The following ALG14 variants were observed in gnomAD, a reference collection of about 807,000 sequenced individuals.
The protein encoded by ALG14 is UDP-N-acetylglucosamine transferase subunit ALG14.
A neutral mutation model predicts 22.8 loss-of-function variants in ALG14; 17 were observed. The observed-to-expected ratio is 0.75, with a 90% CI of 0.51 to 1.12. ALG14 has a LOEUF of 1.12. Among genes scored for constraint, ALG14 ranks in the 50% most tolerant of loss-of-function variants. ALG14 has a pLI of 0.00. For missense variants in ALG14, 288 were observed against 271.8 expected (o/e 1.06, Z -0.42); for synonymous variants, 89 against 103.7 (o/e 0.86, Z 0.86).
In ALG14 at chr1:95,072,932, G is replaced by A. The variant is rs780080991; in HGVS notation, c.-34C>T. On this transcript the variant is annotated 5_prime_UTR_variant, in exon 1 of 4. Transcript: ENST00000370205. Reference sequence around the variant, plus strand: ...ACGGCGCATGCGTCCAACTTCCGGGGACCAGCCGCTGTCAAAGTTCACAAC... The same window carrying A: ...ACGGCGCATGCGTCCAACTTCCGGGAACCAGCCGCTGTCAAAGTTCACAAC... 88 of 1,611,138 alleles carry A rather than the reference G, an allele frequency of 5.5e-5. 1 individual carries two copies. The Admixed American group carries it at 1.4e-3, about 25-fold the overall frequency.
chr1:94,995,222 TGA>T (rs1269084563), intron 3 of ALG14, among the ~76,000 whole-genome samples: 3 of 152,222 alleles, frequency 2.0e-5, no homozygotes, highest in African/African-American at 7.2e-5. Flanking sequence ...TCATTAATTC[TGA>T]GTCAAAGGAT....
intron 1 of ALG14, among the ~76,000 whole-genome samples, chr1:95,066,159 A>G (rs1013918202): frequency 6.6e-6 from 1 of 152,166 alleles, no homozygotes; most frequent in Non-Finnish European, 1.5e-5. Flanking sequence ...AAGAGTATAT[A>G]GTGATACAAG....
chr1:95,036,619 G>T (rs1019545351), intron 2 of ALG14, among the ~76,000 whole-genome samples: 5 of 151,830 alleles, frequency 3.3e-5, no homozygotes, highest in African/African-American at 1.2e-4. Flanking sequence ...TAGAGACGGG[G>T]TTTCACCATG....
At chr1:95,054,270 A>T (rs980688953) in intron 2 of ALG14, among the ~76,000 whole-genome samples, 2 of 152,112 alleles carry the variant, frequency 1.3e-5, no homozygotes, top group Admixed American at 6.5e-5. Flanking sequence ...AGTTCTCATG[A>T]ATGGTTGGTC....
rs149744342 is a variant in ALG14 at position 95,060,007 on chromosome 1, T to C, written c.288+4859A>G. 2.1e-4 allele frequency among the ~76,000 whole-genome samples: 30 copies of C among 145,176 alleles called. 2 individuals carry two copies. In the East Asian group the frequency reaches 3.8e-3, roughly 18 times the overall value. The stretch of plus-strand genomic sequence containing the variant: ...TGGAAGGTACAAAAGATGGCTGAGC[T>C]GAAGCGTAGAAAAAGATCAGTAGGG... On this transcript the variant is annotated intron_variant, in intron 2 of 3. Coordinates refer to ENST00000370205, the MANE Select transcript of ALG14 (RefSeq NM_144988.4).
intron 2 of ALG14, among the ~76,000 whole-genome samples, chr1:95,042,876 G>A (rs1674427071): frequency 6.6e-6 from 1 of 152,070 alleles, no homozygotes; most frequent in Non-Finnish European, 1.5e-5. Context: ...CCATTTCCTT[G>A]TTCCTTCTGA....
intron 3 of ALG14, among the ~76,000 whole-genome samples, chr1:95,006,770 A>C (rs1673231358): frequency 6.6e-6 from 1 of 152,202 alleles, no homozygotes; most frequent in South Asian, 2.1e-4. Flanking sequence ...ATGAATCCCT[A>C]ACCTCTGTGG....
Position 95,043,630 on chromosome 1 carries a change from A to G in ALG14, c.289-16370T>C, listed in dbSNP as rs192273202. The stretch of plus-strand genomic sequence containing the variant: ...TGGCAGGATGAGGGAGTGACATTGC[A>G]GAGGAAAGAAAATATAAGTCCTTCA... On this transcript the variant is annotated intron_variant, in intron 2 of 3. Coordinates refer to ENST00000370205, the MANE Select transcript of ALG14 (RefSeq NM_144988.4). Among the ~76,000 whole-genome samples, 234 of 152,264 alleles carry G rather than the reference A, an allele frequency of 1.5e-3. 1 individual carries two copies. Among genetic ancestry groups the G allele is most frequent in the Non-Finnish European group, 1.7e-3 (118 of 68,022 alleles).
intron 2 of ALG14, chr1:95,061,666 G>A (rs1397762518): frequency 6.6e-6 from 1 of 152,198 alleles, no homozygotes; most frequent in East Asian, 1.9e-4. Context: ...CTCTCTTCCT[G>A]TACATTATCT....
intron 2 of ALG14, among the ~76,000 whole-genome samples, chr1:95,059,300 G>C (rs1197394652): frequency 6.6e-6 from 1 of 150,988 alleles, no homozygotes; most frequent in Non-Finnish European, 1.5e-5. Context: ...GGGGGGCTGA[G>C]GCAGGAGAAT....
chr1:95,061,268 A>T (rs1283339881), intron 2 of ALG14, among the ~76,000 whole-genome samples: 1 of 152,194 alleles, frequency 6.6e-6, no homozygotes, highest in Non-Finnish European at 1.5e-5. Flanking sequence ...CTAAGAAACT[A>T]ATACAGTATT....
At chr1:95,001,576 A>G (rs1673070093) in intron 3 of ALG14, among the ~76,000 whole-genome samples, 1 of 151,988 alleles carries the variant, frequency 6.6e-6, no homozygotes, top group African/African-American at 2.4e-5. Context: ...GCTCACTGCA[A>G]CCTCCGCCTC....
chr1:94,974,820 C>G lies in ALG14; in HGVS notation c.*8256G>C, dbSNP rs1456670274. 1.3e-5 allele frequency: 2 copies of G among 152,220 alleles called. No homozygotes were observed. Among genetic ancestry groups the G allele is most frequent in the African/African-American group, 4.8e-5 (2 of 41,452 alleles). 9.4% of individuals were successfully genotyped at this position (152,220 alleles called of 1,614,324 possible). A position where few individuals can be genotyped will look rare whatever the true frequency, so the allele number is the denominator to read the frequency against. ...CTATGAACTCTGTGGATCAGCAAATCACAGGGCACAGAAGGGAGAGCTTTT... is the reference window on the plus strand; with the variant it reads ...CTATGAACTCTGTGGATCAGCAAATGACAGGGCACAGAAGGGAGAGCTTTT... On this transcript the variant is annotated 3_prime_UTR_variant, in exon 4 of 4. Coordinates refer to ENST00000370205, the MANE Select transcript of ALG14 (RefSeq NM_144988.4).
In ALG14 at chr1:95,059,413, A is replaced by C. The variant is rs137884696; in HGVS notation, c.288+5453T>G. Among the ~76,000 whole-genome samples, 142 of 143,488 alleles carry C rather than the reference A, an allele frequency of 9.9e-4. 1 individual carries two copies. Among genetic ancestry groups the C allele is most frequent in the African/African-American group, 3.3e-3 (134 of 40,332 alleles). 94.1% of individuals were successfully genotyped at this position (143,488 alleles called of 152,430 possible). A position where few individuals can be genotyped will look rare whatever the true frequency, so the allele number is the denominator to read the frequency against. On this transcript the variant is annotated intron_variant, in intron 2 of 3. Coordinates refer to ENST00000370205, the MANE Select transcript of ALG14 (RefSeq NM_144988.4). Reference sequence around the variant, plus strand: ...ACTCTGTCTCAAAAAAAAAAAAAAAAAAAAAAACATATTATTCTTGTTTAT... The same window carrying C: ...ACTCTGTCTCAAAAAAAAAAAAAAACAAAAAAACATATTATTCTTGTTTAT...
At chr1:94,985,876 C>G (rs1485517375) in intron 3 of ALG14, among the ~76,000 whole-genome samples, 1 of 151,298 alleles carries the variant, frequency 6.6e-6, no homozygotes, top group East Asian at 1.9e-4. Context: ...AACCACAAAC[C>G]CATAAATCAA....
chr1:95,051,964 T>C (rs75780159), intron 2 of ALG14, among the ~76,000 whole-genome samples: 10 of 152,072 alleles, frequency 6.6e-5, no homozygotes, highest in Admixed American at 2.0e-4. Flanking sequence ...TGGTTTATTA[T>C]CCCGCCACTA....
At chr1:94,988,548 C>T (rs1346987779) in intron 3 of ALG14, among the ~76,000 whole-genome samples, 2 of 151,986 alleles carry the variant, frequency 1.3e-5, no homozygotes, top group East Asian at 3.9e-4. Context: ...GAGGGGAGCT[C>T]AGGTGTCAGC....
In ALG14 at chr1:94,982,130, T is replaced by G. The variant is rs1218206365; in HGVS notation, c.*946A>C. 4 of 150,982 alleles carry G rather than the reference T, an allele frequency of 2.6e-5. No individual in the cohort carries two copies. The highest frequency in any genetic ancestry group is 5.9e-5 in the Non-Finnish European group (4 of 67,726). The allele number at this position is 150,982 out of a possible 1,614,324, so 9.4% of individuals were successfully genotyped here. A position where few individuals can be genotyped will look rare whatever the true frequency, so the allele number is the denominator to read the frequency against. Reference sequence around the variant, plus strand: ...ACATCATTGAGTTTTGTTTTTTTTTTTTTTTTTTGAGACGAAGTTTCACTC... The same window carrying G: ...ACATCATTGAGTTTTGTTTTTTTTTGTTTTTTTTGAGACGAAGTTTCACTC... On this transcript the variant is annotated 3_prime_UTR_variant, in exon 4 of 4. Transcript: ENST00000370205.
chr1:95,032,721 C>T (rs943075662), intron 2 of ALG14, among the ~76,000 whole-genome samples: 1 of 152,146 alleles, frequency 6.6e-6, no homozygotes, highest in African/African-American at 2.4e-5. Flanking sequence ...TGCTGCCAGG[C>T]AGTCAAGTAG....
Sources: allele counts gnomAD v4.1 joint callset (sites outside exome capture counted in the v4.1 genomes callset), GRCh38; gene constraint gnomAD v4.1.1; transcripts MANE v1.5; gene names NCBI Gene and HGNC (gene_info 2026-07-23, HGNC 2026-07-21).